The following ZNF577 variants were observed in gnomAD, a reference collection of about 807,000 sequenced individuals.
The protein encoded by ZNF577 is zinc finger protein 577.
ZNF577 carries 14 observed loss-of-function variants against 13.9 expected under a neutral mutation model. The observed-to-expected ratio is 1.00, with a 90% CI of 0.66 to 1.57. The LOEUF (loss-of-function observed/expected upper bound fraction) is 1.57, where lower values mean the gene tolerates loss of function less well. Among genes scored for constraint, ZNF577 ranks in the 40% most tolerant of loss-of-function variants. ZNF577 has a pLI of 0.00. For synonymous variants in ZNF577, 203 were observed against 202.9 expected, an observed-to-expected ratio of 1.00 and a Z score of 0.00; for missense variants, 555 against 579.2, an observed-to-expected ratio of 0.96 and a Z score of 0.43.
In ZNF577 at chr19:51,886,850, T is replaced by A. The variant is rs1209952774; in HGVS notation, c.-248A>T. ...GTCAGAGGCAGAGGCAGGTACTTCT[T>A]ACTCCACAGTCCATACACTTGCCAC... On this transcript the variant is annotated 5_prime_UTR_variant, in exon 1 of 6. Transcript: ENST00000638348. 6.6e-6 allele frequency: 1 copy of A among 152,202 alleles called. No homozygotes were observed. Among genetic ancestry groups the A allele is most frequent in the African/African-American group, 2.4e-5 (1 of 41,452 alleles). The allele number at this position is 152,202 out of a possible 1,614,324, so 9.4% of individuals were successfully genotyped here.
At chr19:51,827,518 A>G (rs73061093) in intron 9 of ZNF577, among the ~76,000 whole-genome samples, 15,891 of 152,260 alleles carry the variant, frequency 0.1, 907 homozygotes, top group South Asian at 0.19. Context: ...TAGGCACTCA[A>G]TAAATGTTTA....
chr19:51,886,417 C>G (rs897568786), intron 1 of ZNF577: 9 of 152,034 alleles, frequency 5.9e-5, no homozygotes, highest in Non-Finnish European at 8.8e-5. Context: ...TATTCCGAAG[C>G]TAATCCAAGA....
At position 51,867,271 on chromosome 19, in the gene ZNF577, C is replaced by T. The variant is rs1263020306; in HGVS notation, c.*5261G>A. 6.6e-6 allele frequency among the ~76,000 whole-genome samples: 1 copy of T among 152,112 alleles called. No individual in the cohort carries two copies. The highest frequency in any genetic ancestry group is 1.5e-5 in the Non-Finnish European group (1 of 68,032). On this transcript the variant is annotated 3_prime_UTR_variant, in exon 6 of 6. Transcript: ENST00000638348. ...AGAAAGGCAAAAGAAAGAAGCAAAA[C>T]CTCACCGGGGCTTTTATCGTTTTTT...
At chr19:51,844,704 C>T (rs1331679311) in intron 6 of ZNF577, 1 of 152,156 alleles carries the variant, frequency 6.6e-6, no homozygotes, top group Non-Finnish European at 1.5e-5. Context: ...TCTTTGATTA[C>T]ATATATGGTT....
At chr19:51,854,506 T>TC in intron 5 of ZNF577, among the ~76,000 whole-genome samples, 1 of 148,638 alleles carries the variant, frequency 6.7e-6, no homozygotes, top group East Asian at 1.9e-4. Context: ...ATTTTTTTTT[T>TC]TTTTTTTTTT....
intron 8 of ZNF577, among the ~76,000 whole-genome samples, chr19:51,841,254 C>A (rs1175632671): frequency 6.6e-6 from 1 of 152,202 alleles, no homozygotes; most frequent in Non-Finnish European, 1.5e-5. Flanking sequence ...AGCCTATAAG[C>A]GGTGGGCACT....
chr19:51,852,758 T>G (rs1000361604), intron 5 of ZNF577, among the ~76,000 whole-genome samples: 13 of 152,218 alleles, frequency 8.5e-5, no homozygotes, highest in Admixed American at 8.5e-4. Context: ...TGAGTGGTAT[T>G]ACACAGTTGT....
chr19:51,883,050 G>A (rs951202046), intron 1 of ZNF577, among the ~76,000 whole-genome samples: 3 of 148,362 alleles, frequency 2.0e-5, no homozygotes, highest in South Asian at 2.1e-4. Flanking sequence ...CTAGAGTGCA[G>A]TAGCGCGATC....
chr19:51,823,772 T>C (rs976730222), intron 9 of ZNF577: 24 of 1,599,658 alleles, frequency 1.5e-5, no homozygotes, highest in Middle Eastern at 1.7e-4. Context: ...TCTCCATTCC[T>C]CTGAATGAAA....
chr19:51,862,568 G>GT (rs1377362001), downstream of ZNF577: 1 of 153,476 alleles, frequency 6.5e-6, no homozygotes, highest in Non-Finnish European at 1.5e-5. Flanking sequence ...CACCTGAAAG[G>GT]TCTCTCTCCT....
At chr19:51,864,762 T>A (rs2084541023), downstream of ZNF577, among the ~76,000 whole-genome samples, 1 of 152,014 alleles carries the variant, frequency 6.6e-6, no homozygotes. Context: ...AATCTGTGAG[T>A]CATCAACATA....
At chr19:51,862,530 A>G (rs116793379), downstream of ZNF577, 1,051 of 158,388 alleles carry the variant, frequency 6.6e-3, 7 homozygotes, top group African/African-American at 0.024. Context: ...GCTGTGTTCT[A>G]ACCATGAAGG....
At chr19:51,819,438 T>C (rs1599839565) in intron 9 of ZNF577, among the ~76,000 whole-genome samples, 1 of 152,190 alleles carries the variant, frequency 6.6e-6, no homozygotes, top group Non-Finnish European at 1.5e-5. Flanking sequence ...AGGTGGCCAA[T>C]TGAGCTGTAA....
intron 9 of ZNF577, among the ~76,000 whole-genome samples, chr19:51,813,160 A>ACACC (rs1555740553): frequency 1.6e-4 from 23 of 147,242 alleles, no homozygotes; most frequent in African/African-American, 3.3e-4. Context: ...ACACACACAC[A>ACACC]CCCCATAAAT....
rs2084802841 is a variant in ZNF577 at position 51,878,440 on chromosome 19, C to G, written c.136G>C (p.Val46Leu). 1.9e-6 allele frequency: 3 copies of G among 1,614,100 alleles called. No homozygotes were observed. The South Asian group carries it at 3.3e-5, about 18-fold the overall frequency. Residue 46 changes from valine to leucine, a missense_variant, in exon 4 of 6, where the codon GTC (valine) becomes CTC (leucine). Coordinates refer to ENST00000638348, the MANE Select transcript of ZNF577 (RefSeq NM_001370449.1). ...EWQFLDQSQK[V>L]LYKEVMLENY... ...TCCAACATTACTTCCTTGTACAAGACCTTCTGAGACTGGTCCAAAAACTGC... is the reference window on the plus strand; with the variant it reads ...TCCAACATTACTTCCTTGTACAAGAGCTTCTGAGACTGGTCCAAAAACTGC...
At chr19:51,861,712 G>C (rs1030343765) in intron 5 of ZNF577, 1 of 152,370 alleles carries the variant, frequency 6.6e-6, no homozygotes, top group Non-Finnish European at 1.5e-5. Context: ...GACATTCACT[G>C]CATCTATAGG....
At chr19:51,866,591 C>G (rs2084566385), downstream of ZNF577, among the ~76,000 whole-genome samples, 1 of 152,190 alleles carries the variant, frequency 6.6e-6, no homozygotes, top group South Asian at 2.1e-4. Flanking sequence ...ACCTAAAGAA[C>G]TGTGAGACAA....
Position 51,880,364 on chromosome 19 carries a change from C to A in ZNF577, c.19G>T (p.Val7Leu). 1 of 1,614,150 alleles carries A rather than the reference C, an allele frequency of 6.2e-7. No homozygotes were observed. Among genetic ancestry groups the A allele is most frequent in the Non-Finnish European group, 8.5e-7 (1 of 1,180,038 alleles). The change falls in exon 3 of 6, where the codon GTA becomes TTA. Residue 7 changes from valine (V) to leucine (L), a missense_variant. By Grantham distance (32) the Val-to-Leu change is conservative. Coordinates refer to ENST00000638348, the MANE Select transcript of ZNF577 (RefSeq NM_001370449.1). MKNATIVMSVRREQGSS... is the reference protein window; with the variant it reads MKNATILMSVRREQGSS... The stretch of plus-strand genomic sequence containing the variant: ...CCTTGCTCTCTCCTCACAGACATTA[C>A]AATCGTGGCATTTTTCATGTGTTTC...
Position 51,880,697 on chromosome 19 carries a change from G to A in ZNF577, c.-38C>T, listed in dbSNP as rs117092369. The A allele has an allele frequency of 5.2e-4, 186 of 354,970 alleles. 2 individuals carry two copies. In the East Asian group the frequency reaches 0.011, roughly 21 times the overall value. The allele number at this position is 354,970 out of a possible 1,614,324, so 22.0% of individuals were successfully genotyped here. On this transcript the variant is annotated 5_prime_UTR_variant, in exon 2 of 6. In the 5' UTR this introduces an upstream ATG that the reference lacks. Transcript: ENST00000638348. ...ACCTCACCTGGGCCTTGCCCATTTCGTTCAACTCTTAGGGGCTAGCAACTC... is the reference window on the plus strand; with the variant it reads ...ACCTCACCTGGGCCTTGCCCATTTCATTCAACTCTTAGGGGCTAGCAACTC...
Sources: gnomAD v4.1 joint callset for allele counts (sites outside exome capture counted in the v4.1 genomes callset) on GRCh38, gnomAD v4.1.1 for gene constraint, MANE v1.5 for transcripts, NCBI Gene and HGNC (gene_info 2026-07-23, HGNC 2026-07-21) for gene names.